The following EEF1B2 variants were observed in gnomAD, a reference collection of about 807,000 sequenced individuals.
EEF1B2 encodes elongation factor 1-beta.
In EEF1B2, 12 loss-of-function variants were observed where a neutral mutation model predicts 28.3. That is an observed-to-expected ratio of 0.42 (90% confidence interval 0.27 to 0.69). The LOEUF (loss-of-function observed/expected upper bound fraction) is 0.69. Among genes scored for constraint, EEF1B2 ranks in the 30% least tolerant of loss-of-function variants. EEF1B2 has a pLI of 0.22. For missense variants in EEF1B2, 234 were observed against 272.6 expected (o/e 0.86, Z 1.00); for synonymous variants, 83 against 99.9 (o/e 0.83, Z 1.01).
In EEF1B2 at chr2:206,160,645, T is replaced by A; in HGVS notation, c.138T>A (p.Pro46=). The change falls in exon 2 of 6, where the codon CCT becomes CCA. Residue 46 remains proline, a synonymous_variant. Coordinates refer to ENST00000392222, the MANE Select transcript of EEF1B2 (RefSeq NM_001959.4). ...AVFEAVSSPP[P]ADLCHALRWY... Reference sequence around the variant, plus strand: ...TTGAAGCCGTGTCCAGCCCACCGCCTGCCGACTTGTGTCATGCCCTACGTT... The same window carrying A: ...TTGAAGCCGTGTCCAGCCCACCGCCAGCCGACTTGTGTCATGCCCTACGTT... 2.5e-6 allele frequency: 4 copies of A among 1,613,524 alleles called. No homozygotes were observed. In the South Asian group the frequency reaches 3.3e-5, roughly 13 times the overall value.
intron 1 of EEF1B2, 178 bp from the exon 2 acceptor site, chr2:206,160,410 A>C: frequency 1.8e-6 from 2 of 1,095,708 alleles, no homozygotes; most frequent in Non-Finnish European, 2.6e-6. Context: ...TTCTCAGGAT[A>C]GCGCGGTGAC....
rs893031771 is a variant in EEF1B2 at position 206,160,455 on chromosome 2, G to A, written c.81-133G>A. 7 of 1,482,998 alleles carry A rather than the reference G, an allele frequency of 4.7e-6. No homozygotes were observed. The Admixed American group carries it at 6.8e-5, about 14-fold the overall frequency. 91.9% of individuals were successfully genotyped at this position (1,482,998 alleles called of 1,614,324 possible). On this transcript the variant is annotated intron_variant, in intron 1 of 5. Coordinates refer to ENST00000392222, the MANE Select transcript of EEF1B2 (RefSeq NM_001959.4). ...TGGTTTGATTTGAAGGAGCTAATAA[G>A]AAAAGAAAAGCATTAAAGCAACCCT...
chr2:206,162,339 A>T (rs369574321), intron 4 of EEF1B2, 150 bp from the exon 5 acceptor site: 7 of 1,301,748 alleles, frequency 5.4e-6, no homozygotes, highest in Non-Finnish European at 7.8e-6. Flanking sequence ...GAAAGTGGGT[A>T]TATATGTGTG....
chr2:206,161,937 G>C lies in EEF1B2; in HGVS notation c.331-101G>C, dbSNP rs754735037. ...TTTCGGCTGAGTTCGTGATGGATTT[G>C]CTTTTTTCTGATTAAGCCAGTCTTT... On this transcript the variant is annotated intron_variant, in intron 3 of 5. Coordinates refer to ENST00000392222, the MANE Select transcript of EEF1B2 (RefSeq NM_001959.4). 6.2e-6 allele frequency: 6 copies of C among 971,320 alleles called. No individual in the cohort carries two copies. In the Admixed American group the frequency reaches 6.8e-5, roughly 11 times the overall value. 60.2% of individuals were successfully genotyped at this position (971,320 alleles called of 1,614,324 possible). A position where few individuals can be genotyped will look rare whatever the true frequency, so the allele number is the denominator to read the frequency against.
At chr2:206,160,448 C>T (rs1006582387) in intron 1 of EEF1B2, 140 bp from the exon 2 acceptor site, 2 of 1,435,292 alleles carry the variant, frequency 1.4e-6, no homozygotes, top group Non-Finnish European at 1.9e-6. Context: ...TTTGAAGGAG[C>T]TAATAAGAAA....
rs1345510537 is a variant in EEF1B2 at position 206,160,632 on chromosome 2, C to G, written c.125C>G (p.Ser42Cys). Residue 42 changes from serine to cysteine, a missense_variant, in exon 2 of 6, where the codon TCC becomes TGC. Physicochemically the swap from Ser to Cys is moderately radical, Grantham distance 112. This residue lies in a region of EEF1B2 where 178 missense variants were observed against 173.3 expected (regional missense o/e 1.03). Transcript: ENST00000392222. ...QADVAVFEAVSSPPPADLCHA... is the reference protein window; with the variant it reads ...QADVAVFEAVCSPPPADLCHA... ...GATGTGGCAGTATTTGAAGCCGTGT[C>G]CAGCCCACCGCCTGCCGACTTGTGT... is the stretch of plus-strand genomic sequence containing the variant. The G allele has an allele frequency of 2.5e-6, 4 of 1,613,872 alleles. No individual in the cohort carries two copies. In the South Asian group the frequency reaches 3.3e-5, roughly 13 times the overall value.
rs180935095 is a variant in EEF1B2, at chr2:206,159,956, C to T, written c.-24C>T. 529 of 1,608,582 alleles carry T rather than the reference C, an allele frequency of 3.3e-4. 2 individuals are homozygous for T. In the African/African-American group the frequency reaches 6.5e-3, roughly 20 times the overall value. On this transcript the variant is annotated 5_prime_UTR_variant, in exon 1 of 6. Coordinates refer to ENST00000392222, the MANE Select transcript of EEF1B2 (RefSeq NM_001959.4). ...TGCGCGCTCTCTTTCTGCTGCTCCC[C>T]AGCTCTCGGATACAGCCGACACCAT...
upstream of EEF1B2, chr2:206,159,875 AT>A (rs1297924770): frequency 1.1e-5 from 15 of 1,353,750 alleles, no homozygotes; most frequent in Middle Eastern, 2.7e-4. Flanking sequence ...TATATAAGGA[AT>A]TTTCCGGTCT....
Position 206,161,810 on chromosome 2 carries a change from A to G in EEF1B2, c.331-228A>G, listed in dbSNP as rs1457126637. On this transcript the variant is annotated intron_variant, in intron 3 of 5. Transcript: ENST00000392222. ...AATACATCGATCAGCAATTGTATCA[A>G]TGTGGTTAAGCCAAATTGCCTGGAT... 6 of 716,194 alleles carry G rather than the reference A, an allele frequency of 8.4e-6. No homozygotes were observed. In the Admixed American group the frequency reaches 9.2e-5, roughly 11 times the overall value. 44.4% of individuals were successfully genotyped at this position (716,194 alleles called of 1,614,324 possible). A position where few individuals can be genotyped will look rare whatever the true frequency, so the allele number is the denominator to read the frequency against.
In EEF1B2 at chr2:206,162,630, G is replaced by A. The variant is rs771964313; in HGVS notation, c.523+16G>A. 6.3e-7 allele frequency: 1 copy of A among 1,597,256 alleles called. No individual in the cohort carries two copies. Among genetic ancestry groups the A allele is most frequent in the Admixed American group, 1.8e-5 (1 of 56,072 alleles). ...TGGGGCTCATGTGAGTTTAGGCTTTGCCTTTTTTTTTTTGAAACTAACATC... is the reference window on the plus strand; with the variant it reads ...TGGGGCTCATGTGAGTTTAGGCTTTACCTTTTTTTTTTTGAAACTAACATC... On this transcript the variant is annotated intron_variant, in intron 5 of 5. Coordinates refer to ENST00000392222, the MANE Select transcript of EEF1B2 (RefSeq NM_001959.4).
In EEF1B2 at chr2:206,161,459, C is replaced by T; in HGVS notation, c.317C>T (p.Ser106Phe). 1.9e-6 allele frequency: 3 copies of T among 1,613,736 alleles called. No homozygotes were observed. Among genetic ancestry groups the T allele is most frequent in the Non-Finnish European group, 2.5e-6 (3 of 1,179,812 alleles). ...GATGATGACATTGACCTCTTTGGAT[C>T]TGATGATGAGGAGGTATGGCGTCTT... ...KDDDDIDLFG[S>F]DDEEESEEAK... Residue 106 changes from serine (S) to phenylalanine (F), a missense_variant, in exon 3 of 6, where the codon TCT becomes TTT. Physicochemically the swap from Ser to Phe is radical, Grantham distance 155 (BLOSUM62 -2). Transcript: ENST00000392222.
intron 2 of EEF1B2, chr2:206,160,965 A>T: frequency 1.4e-6 from 1 of 697,964 alleles, no homozygotes. Context: ...TGGGGGGCCC[A>T]CCTCTGGGGT....
chr2:206,160,199 G>A (rs1032930722), intron 1 of EEF1B2, 140 bp downstream of exon 1: 2 of 1,146,458 alleles, frequency 1.7e-6, no homozygotes, highest in African/African-American at 1.6e-5. Flanking sequence ...AAAGCGCCCC[G>A]TTGCCGTCTC....
At position 206,162,221 on chromosome 2, in the gene EEF1B2, C is replaced by T. The variant is rs1339471857; in HGVS notation, c.397+117C>T. The stretch of plus-strand genomic sequence containing the variant: ...ATAGGTCAATATTTTAAAACCTGTA[C>T]AGGTTCTTCCACAGCTACTGGTCTG... On this transcript the variant is annotated intron_variant, in intron 4 of 5. Coordinates refer to ENST00000392222, the MANE Select transcript of EEF1B2 (RefSeq NM_001959.4). 3.4e-6 allele frequency: 4 copies of T among 1,162,706 alleles called. No homozygotes were observed. In the Admixed American group the frequency reaches 6.7e-5, roughly 20 times the overall value. 72.0% of individuals were successfully genotyped at this position (1,162,706 alleles called of 1,614,324 possible).
At chr2:206,159,638 T>C (rs1254155810), upstream of EEF1B2, 1 of 236,450 alleles carries the variant, frequency 4.2e-6, no homozygotes. Context: ...TTCGGTCATC[T>C]CCGGCGCTTC....
chr2:206,159,841 G>T (rs552797396), upstream of EEF1B2: 5 of 903,608 alleles, frequency 5.5e-6, no homozygotes, highest in Non-Finnish European at 8.3e-6. Flanking sequence ...GGTCCGGCGC[G>T]GTGGAGGGAA....
chr2:206,160,157 G>A, intron 1 of EEF1B2, 98 bp downstream of exon 1: 2 of 1,310,934 alleles, frequency 1.5e-6, no homozygotes, highest in East Asian at 2.7e-5. Context: ...AGGGAGGGAG[G>A]CCGGGCCCGG....
In EEF1B2 at chr2:206,161,475, A is replaced by G. The variant is rs757230665; in HGVS notation, c.330+3A>G. ...TCTTTGGATCTGATGATGAGGAGGT[A>G]TGGCGTCTTCTATAAAGAACATATC... On this transcript the variant is annotated splice_donor_region_variant and intron_variant, in intron 3 of 5. Coordinates refer to ENST00000392222, the MANE Select transcript of EEF1B2 (RefSeq NM_001959.4). The G allele has an allele frequency of 6.2e-7, 1 of 1,613,604 alleles. No homozygotes were observed. Among genetic ancestry groups the G allele is most frequent in the South Asian group, 1.1e-5 (1 of 91,070 alleles).
intron 2 of EEF1B2, 154 bp from the exon 3 acceptor site, chr2:206,161,192 A>G (rs1445369457): frequency 3.1e-6 from 3 of 973,484 alleles, no homozygotes; most frequent in Non-Finnish European, 4.6e-6. Flanking sequence ...GGAGTTGAAC[A>G]TATGACAGTG....
Sources: allele counts gnomAD v4.1 joint callset, GRCh38; gene constraint gnomAD v4.1.1; regional missense constraint gnomAD v4.1.1; transcripts MANE v1.5; gene names NCBI Gene and HGNC (gene_info 2026-07-23, HGNC 2026-07-21).